The following CSNK1G1 variants were observed in gnomAD, a reference collection of about 807,000 sequenced individuals.
CSNK1G1 encodes the protein casein kinase I isoform gamma-1.
CSNK1G1 carries 22 observed loss-of-function variants against 59.6 expected under a neutral mutation model. The observed-to-expected ratio is 0.37, with a 90% CI of 0.26 to 0.53. The LOEUF (loss-of-function observed/expected upper bound fraction) is 0.53, where lower values mean the gene tolerates loss of function less well. Ranked by LOEUF, CSNK1G1 falls within the 20% of genes least tolerant of loss-of-function variation. The probability of loss-of-function intolerance (pLI) is 0.89; values close to 1 mark genes in which losing one functional copy is unlikely to be tolerated. For missense variants in CSNK1G1, 384 were observed against 519.5 expected (o/e 0.74, Z 2.54); for synonymous variants, 179 against 177.1 (o/e 1.01, Z -0.08).
At chr15:64,212,016 T>C (rs1022826316) in intron 6 of CSNK1G1, among the ~76,000 whole-genome samples, 20 of 152,216 alleles carry the variant, frequency 1.3e-4, no homozygotes, top group African/African-American at 3.6e-4. Context: ...TACTTGTCAT[T>C]GTGAAGGAAG....
chr15:64,332,868 T>C (rs1897188601), intron 1 of CSNK1G1, among the ~76,000 whole-genome samples: 1 of 152,108 alleles, frequency 6.6e-6, no homozygotes, highest in African/African-American at 2.4e-5. Flanking sequence ...AATGAGATTA[T>C]GTAAAATGTT....
intron 1 of CSNK1G1, among the ~76,000 whole-genome samples, chr15:64,324,488 T>C (rs1164193867): frequency 6.6e-6 from 1 of 152,212 alleles, no homozygotes. Flanking sequence ...TCGAAGAACA[T>C]CTGACTTCAA....
chr15:64,232,191 C>A (rs1429959314), intron 4 of CSNK1G1, among the ~76,000 whole-genome samples: 4 of 152,154 alleles, frequency 2.6e-5, no homozygotes, highest in Non-Finnish European at 5.9e-5. Flanking sequence ...CTGACAAACT[C>A]TTCTTTTAAT....
intron 2 of CSNK1G1, among the ~76,000 whole-genome samples, chr15:64,297,698 C>CAA (rs35206976): frequency 1.5e-5 from 2 of 135,116 alleles, no homozygotes; most frequent in Admixed American, 7.6e-5. Flanking sequence ...CCCTGTCTCT[C>CAA]AAAAAAAAAA....
intron 4 of CSNK1G1, among the ~76,000 whole-genome samples, chr15:64,223,238 A>G (rs1190417099): frequency 6.6e-6 from 1 of 152,164 alleles, no homozygotes; most frequent in African/African-American, 2.4e-5. Context: ...TTTAAATGAA[A>G]AAAAAAATCC....
In CSNK1G1 at chr15:64,355,469, G is replaced by A. The variant is rs191872201; in HGVS notation, c.-225+519C>T. ...AAGTGGGGGAAGCGTACGGAAGTTGGGTAGAGGAAAGTCTCATTACCCACT... is the reference window on the plus strand; with the variant it reads ...AAGTGGGGGAAGCGTACGGAAGTTGAGTAGAGGAAAGTCTCATTACCCACT... On this transcript the variant is annotated intron_variant, in intron 1 of 11. Coordinates refer to ENST00000303052, the MANE Select transcript of CSNK1G1 (RefSeq NM_022048.5). 8.5e-5 allele frequency among the ~76,000 whole-genome samples: 13 copies of A among 152,316 alleles called. No homozygotes were observed. The East Asian group carries it at 1.2e-3, about 14-fold the overall frequency.
intron 1 of CSNK1G1, among the ~76,000 whole-genome samples, chr15:64,333,940 A>G (rs1284310687): frequency 1.3e-5 from 2 of 152,210 alleles, no homozygotes; most frequent in South Asian, 2.1e-4. Context: ...AGACAGCAAC[A>G]CAATAATAAT....
chr15:64,333,102 C>G (rs1212931269), intron 1 of CSNK1G1, among the ~76,000 whole-genome samples: 1 of 150,892 alleles, frequency 6.6e-6, no homozygotes, highest in Non-Finnish European at 1.5e-5. Context: ...ACTAAAAATA[C>G]AAAACTTAGC....
intron 2 of CSNK1G1, among the ~76,000 whole-genome samples, chr15:64,277,832 A>G (rs1410128322): frequency 7.3e-6 from 1 of 136,402 alleles, no homozygotes; most frequent in Non-Finnish European, 1.5e-5. Flanking sequence ...ATTTAATAAT[A>G]ATATTGATAT....
Position 64,341,157 on chromosome 15 carries a change from C to T in CSNK1G1, c.-225+14831G>A. 1.4e-4 allele frequency among the ~76,000 whole-genome samples: 2 copies of T among 14,194 alleles called. 1 individual carries two copies. The highest frequency in any genetic ancestry group is 1.7e-3 in the Non-Finnish European group (2 of 1,180). 9.3% of individuals were successfully genotyped at this position (14,194 alleles called of 152,430 possible). A position where few individuals can be genotyped will look rare whatever the true frequency, so the allele number is the denominator to read the frequency against. Reference sequence around the variant, plus strand: ...AGTAGCTGGGACTACAGGCGCCCGCCACCGCGCCCGGGTAATTTTTTGTAT... The same window carrying T: ...AGTAGCTGGGACTACAGGCGCCCGCTACCGCGCCCGGGTAATTTTTTGTAT... On this transcript the variant is annotated intron_variant, in intron 1 of 11. Coordinates refer to ENST00000303052, the MANE Select transcript of CSNK1G1 (RefSeq NM_022048.5).
chr15:64,272,880 T>C (rs1163652245), intron 2 of CSNK1G1, among the ~76,000 whole-genome samples: 1 of 152,088 alleles, frequency 6.6e-6, no homozygotes, highest in East Asian at 1.9e-4. Context: ...ATCCAGCTAA[T>C]TTTTGTAGAG....
chr15:64,240,690 T>TC (rs1205977345), intron 4 of CSNK1G1, among the ~76,000 whole-genome samples: 1 of 151,854 alleles, frequency 6.6e-6, no homozygotes, highest in African/African-American at 2.4e-5. Context: ...AGCAAAGCTA[T>TC]CCTTCAGAAA....
chr15:64,205,281 T>C (rs565471144), intron 7 of CSNK1G1, among the ~76,000 whole-genome samples: 1 of 152,172 alleles, frequency 6.6e-6, no homozygotes, highest in African/African-American at 2.4e-5. Flanking sequence ...TAATATCCCA[T>C]GGCCACCATA....
intron 1 of CSNK1G1, among the ~76,000 whole-genome samples, chr15:64,326,631 G>A (rs1293438347): frequency 2.7e-5 from 4 of 150,868 alleles, no homozygotes; most frequent in Non-Finnish European, 5.9e-5. Flanking sequence ...GTGACAGAGC[G>A]AAACTCTGTA....
At chr15:64,212,816 G>T (rs2082265260) in intron 6 of CSNK1G1, among the ~76,000 whole-genome samples, 3 of 152,106 alleles carry the variant, frequency 2.0e-5, no homozygotes, top group Non-Finnish European at 4.4e-5. Flanking sequence ...GACCAGCCTG[G>T]CCAACATGGT....
intron 9 of CSNK1G1, among the ~76,000 whole-genome samples, chr15:64,203,649 T>C (rs1375456018): frequency 7.5e-6 from 1 of 132,620 alleles, no homozygotes; most frequent in Non-Finnish European, 1.6e-5. Context: ...GTGAGCTGAG[T>C]TCACACCATT....
At chr15:64,282,467 T>C (rs1037140274) in intron 2 of CSNK1G1, among the ~76,000 whole-genome samples, 1 of 152,082 alleles carries the variant, frequency 6.6e-6, no homozygotes, top group Non-Finnish European at 1.5e-5. Flanking sequence ...GGTTTCACCA[T>C]GTTGACCAAG....
At chr15:64,355,319 C>G (rs1356352133) in intron 1 of CSNK1G1, among the ~76,000 whole-genome samples, 1 of 152,176 alleles carries the variant, frequency 6.6e-6, no homozygotes, top group Non-Finnish European at 1.5e-5. Flanking sequence ...CAGGCACTTT[C>G]CAAACATCTT....
In CSNK1G1 at chr15:64,305,061, T is replaced by C. The variant is rs1895593575; in HGVS notation, c.-224-4338A>G. Among the ~76,000 whole-genome samples the C allele has an allele frequency of 2.6e-5, 4 of 151,824 alleles. 1 individual carries two copies. The South Asian group carries it at 8.3e-4, about 31-fold the overall frequency. ...CAAAAATCTTTCTCCTTATAAGTCT[T>C]TTTTTTTTAAATTATGTTGGTCAAC... is the stretch of plus-strand genomic sequence containing the variant. On this transcript the variant is annotated intron_variant, in intron 1 of 11. Transcript: ENST00000303052.
Sources: gnomAD v4.1 joint callset for allele counts (sites outside exome capture counted in the v4.1 genomes callset) on GRCh38, gnomAD v4.1.1 for gene constraint, MANE v1.5 for transcripts, NCBI Gene and HGNC (gene_info 2026-07-23, HGNC 2026-07-21) for gene names.